Variants in POLR1B observed in about 807,000 individuals in gnomAD.
POLR1B encodes the protein RNA polymerase I subunit B, also known as DNA-directed RNA polymerase I subunit RPA2.
A neutral mutation model predicts 105.8 loss-of-function variants in POLR1B; 30 were observed. The observed-to-expected ratio is 0.28, with a 90% confidence interval of 0.21 to 0.38. The LOEUF is 0.38. Ranked by LOEUF, POLR1B falls within the 10% of genes least tolerant of loss-of-function variation. The pLI, the probability that POLR1B is intolerant of heterozygous loss-of-function variation, is 1.00. For missense variants in POLR1B, 976 were observed against 1,435.8 expected (o/e 0.68, Z 5.17); for synonymous variants, 485 against 505.1 (o/e 0.96, Z 0.53).
intron 4 of POLR1B, among the ~76,000 whole-genome samples, chr2:112,550,090 G>A (rs774833243): frequency 6.6e-6 from 1 of 152,026 alleles, no homozygotes; most frequent in East Asian, 1.9e-4. Context: ...GTGGGTGTGG[G>A]TCTTGGCTGT....
In POLR1B at chr2:112,558,081, G is replaced by T; in HGVS notation, c.1330G>T (p.Gly444Cys). ...TACTGGGAATCTGCGTTCTAAAACA[G>T]GTAAAATTAAATCGATCGTTTTAGT... ...FATGNLRSKTGLGLLQDSGLC... is the reference protein window; with the variant it reads ...FATGNLRSKTCLGLLQDSGLC... Residue 444 changes from glycine (G) to cysteine (C), a missense_variant and splice_region_variant, in exon 8 of 15, where the codon GGT becomes TGT. Gly to Cys is a radical substitution (Grantham distance 159). Coordinates refer to ENST00000263331, the MANE Select transcript of POLR1B (RefSeq NM_019014.6). 1 of 1,328,630 alleles carries T rather than the reference G, an allele frequency of 7.5e-7. No individual in the cohort carries two copies. Among genetic ancestry groups the T allele is most frequent in the Non-Finnish European group, 9.7e-7 (1 of 1,028,548 alleles). The allele number at this position is 1,328,630 out of a possible 1,614,324, so 82.3% of individuals were successfully genotyped here.
chr2:112,562,728 CTTTTTT>C (rs70965010), intron 9 of POLR1B, among the ~76,000 whole-genome samples: 2 of 120,636 alleles, frequency 1.7e-5, no homozygotes, highest in Non-Finnish European at 1.7e-5. Context: ...TCTTTTTTTT[CTTTTTT>C]TTTTTTTTTT....
At chr2:112,542,721 G>C in intron 1 of POLR1B, 50 bp downstream of exon 1, 1 of 1,597,504 alleles carries the variant, frequency 6.3e-7, no homozygotes, top group Non-Finnish European at 8.5e-7. Flanking sequence ...CCAATCCCAG[G>C]GAGGTGGCTG....
rs901997160 is a variant in POLR1B, at chr2:112,579,474, C to G, written c.*3745C>G. ...CTGACCAACCAGCATTTGGTGATGT[C>G]ACTTTTTTTTTAAGGCTAGTCAAGT... On this transcript the variant is annotated 3_prime_UTR_variant, in exon 15 of 15. Coordinates refer to ENST00000263331, the MANE Select transcript of POLR1B (RefSeq NM_019014.6). 1 of 152,054 alleles carries G rather than the reference C, an allele frequency of 6.6e-6. No individual in the cohort carries two copies. Among genetic ancestry groups the G allele is most frequent in the African/African-American group, 2.4e-5 (1 of 41,382 alleles). The allele number at this position is 152,054 out of a possible 1,614,324, so 9.4% of individuals were successfully genotyped here.
chr2:112,558,476 G>C (rs1425499862), intron 8 of POLR1B, among the ~76,000 whole-genome samples: 1 of 152,082 alleles, frequency 6.6e-6, no homozygotes, highest in Non-Finnish European at 1.5e-5. Context: ...AGGTAGGAGG[G>C]TCACTTGATC....
At chr2:112,572,850 C>A in intron 13 of POLR1B, 92 bp downstream of exon 13, 1 of 1,142,984 alleles carries the variant, frequency 8.7e-7, no homozygotes, top group Non-Finnish European at 1.2e-6. Flanking sequence ...TTTGTGTACC[C>A]AAGTACCTAG....
intron 7 of POLR1B, among the ~76,000 whole-genome samples, chr2:112,556,084 T>C (rs1683644065): frequency 6.6e-6 from 1 of 152,198 alleles, no homozygotes; most frequent in Non-Finnish European, 1.5e-5. Flanking sequence ...GGGCTTCTTA[T>C]TCCATCTTGA....
chr2:112,542,734 A>T (rs1342783214), intron 1 of POLR1B, 63 bp downstream of exon 1: 1 of 1,581,904 alleles, frequency 6.3e-7, no homozygotes, highest in Non-Finnish European at 8.6e-7. Context: ...GGTGGCTGGG[A>T]GGTCACAGTA....
intron 1 of POLR1B, among the ~76,000 whole-genome samples, chr2:112,543,428 G>A (rs1682869448): frequency 6.6e-6 from 1 of 152,198 alleles, no homozygotes; most frequent in African/African-American, 2.4e-5. Context: ...GCTCTGCCAA[G>A]GGATTGTGTG....
intron 10 of POLR1B, among the ~76,000 whole-genome samples, chr2:112,564,972 T>C (rs1684198991): frequency 1.3e-5 from 2 of 152,234 alleles, no homozygotes; most frequent in Non-Finnish European, 2.9e-5. Context: ...GCTTTGATAA[T>C]GGCCATTGAA....
At position 112,577,933 on chromosome 2, in the gene POLR1B, A is replaced by G. The variant is rs193015919; in HGVS notation, c.*2204A>G. ...AAGCTGGTTGAGAAGAAGAAGGAAA[A>G]AGTCGATTCTACTGACTGACGTTTC... is the stretch of plus-strand genomic sequence containing the variant. On this transcript the variant is annotated 3_prime_UTR_variant, in exon 15 of 15. Coordinates refer to ENST00000263331, the MANE Select transcript of POLR1B (RefSeq NM_019014.6). Among the ~76,000 whole-genome samples the G allele has an allele frequency of 3.4e-4, 52 of 152,158 alleles. No homozygotes were observed. Among genetic ancestry groups the G allele is most frequent in the Admixed American group, 1.1e-3 (17 of 15,254 alleles).
chr2:112,545,898 G>A (rs1297624990), intron 1 of POLR1B: 2 of 254,908 alleles, frequency 7.8e-6, no homozygotes, highest in South Asian at 3.5e-5. Context: ...CTCCTCTCTC[G>A]GTCTCCCAAA....
chr2:112,547,949 G>A (rs1683143953), intron 3 of POLR1B, among the ~76,000 whole-genome samples: 1 of 152,042 alleles, frequency 6.6e-6, no homozygotes, highest in South Asian at 2.1e-4. Flanking sequence ...CTAACTGGGA[G>A]GCTGAGGCGG....
At position 112,578,417 on chromosome 2, in the gene POLR1B, C is replaced by G. The variant is rs1442630886; in HGVS notation, c.*2688C>G. Among the ~76,000 whole-genome samples the G allele has an allele frequency of 6.6e-6, 1 of 152,206 alleles. No individual in the cohort carries two copies. The highest frequency in any genetic ancestry group is 1.5e-5 in the Non-Finnish European group (1 of 68,044). On this transcript the variant is annotated 3_prime_UTR_variant, in exon 15 of 15. Transcript: ENST00000263331. ...TTCAAGAATCTTACGTAAATAGGAT[C>G]ACGAAGTATAACCTTTGAGAATGGC... is the stretch of plus-strand genomic sequence containing the variant.
At chr2:112,542,305 C>A, upstream of POLR1B, 1 of 1,528,676 alleles carries the variant, frequency 6.5e-7, no homozygotes, top group Non-Finnish European at 8.8e-7. Flanking sequence ...GGCCCGTTCA[C>A]TCGACGTTTT....
At chr2:112,559,178 TA>T in intron 8 of POLR1B, 114 bp from the exon 9 acceptor site, 1 of 1,201,520 alleles carries the variant, frequency 8.3e-7, no homozygotes, top group Non-Finnish European at 1.2e-6. Context: ...ATAAATGTTG[TA>T]ATAATTCATT....
intron 1 of POLR1B, among the ~76,000 whole-genome samples, chr2:112,544,266 A>G (rs1054809305): frequency 2.0e-5 from 3 of 151,746 alleles, no homozygotes; most frequent in Non-Finnish European, 1.5e-5. Flanking sequence ...CCCCATCTCT[A>G]CTAAAAAATA....
chr2:112,560,083 A>G (rs1040440947), intron 9 of POLR1B, among the ~76,000 whole-genome samples: 3 of 151,936 alleles, frequency 2.0e-5, no homozygotes, highest in East Asian at 1.9e-4. Flanking sequence ...GAAAGTGAAA[A>G]CAGGAGAAAC....
intron 11 of POLR1B, among the ~76,000 whole-genome samples, chr2:112,568,497 T>G (rs571508545): frequency 1.3e-4 from 20 of 152,350 alleles, no homozygotes; most frequent in Non-Finnish European, 2.4e-4. Context: ...GGCTTTGTGC[T>G]ACTTAAAAAT....
Sources: gnomAD v4.1 joint callset for allele counts (sites outside exome capture counted in the v4.1 genomes callset) on GRCh38, gnomAD v4.1.1 for gene constraint, MANE v1.5 for transcripts, NCBI Gene and HGNC (gene_info 2026-07-23, HGNC 2026-07-21) for gene names.